Variants in TRIM44 observed in about 807,000 individuals in gnomAD.
The protein encoded by TRIM44 is tripartite motif-containing protein 44.
TRIM44 carries 13 observed loss-of-function variants against 37.4 expected under a neutral mutation model. The ratio of observed to expected loss-of-function variants is 0.35; its 90% CI spans 0.23 to 0.55. TRIM44 has a LOEUF of 0.55. Ranked by LOEUF, TRIM44 falls within the 20% of genes least tolerant of loss-of-function variation. The pLI, the probability that TRIM44 is intolerant of heterozygous loss-of-function variation, is 0.89. For synonymous variants in TRIM44, 175 were observed against 157.2 expected (o/e 1.11, Z -0.85); for missense variants, 426 against 437.2 (o/e 0.97, Z 0.23).
intron 4 of TRIM44, among the ~76,000 whole-genome samples, chr11:35,748,405 A>G (rs1054730303): frequency 1.3e-5 from 2 of 152,220 alleles, no homozygotes; most frequent in Admixed American, 1.3e-4. Flanking sequence ...TGTGTTAATG[A>G]AAGTAGCCAG....
chr11:35,793,212 A>C (rs1233214800), intron 4 of TRIM44, among the ~76,000 whole-genome samples: 1 of 150,420 alleles, frequency 6.6e-6, no homozygotes. Context: ...CTTTTTTAAA[A>C]AACAAACAAC....
chr11:35,696,820 C>G (rs1851705683), intron 2 of TRIM44, among the ~76,000 whole-genome samples: 1 of 150,580 alleles, frequency 6.6e-6, no homozygotes, highest in Non-Finnish European at 1.5e-5. Context: ...GCACTCCAGC[C>G]TGAGCAACAA....
At chr11:35,730,711 T>C (rs1852245921) in intron 3 of TRIM44, among the ~76,000 whole-genome samples, 2 of 152,324 alleles carry the variant, frequency 1.3e-5, no homozygotes, top group South Asian at 2.1e-4. Flanking sequence ...CATTTAAAGG[T>C]ATTAATGGCT....
At chr11:35,669,913 C>T (rs1851374472) in intron 1 of TRIM44, among the ~76,000 whole-genome samples, 1 of 152,186 alleles carries the variant, frequency 6.6e-6, no homozygotes, top group African/African-American at 2.4e-5. Flanking sequence ...CCTCCGCCTC[C>T]TGGGTTCAAG....
At chr11:35,707,079 A>T (rs1720224253) in intron 2 of TRIM44, among the ~76,000 whole-genome samples, 1 of 152,236 alleles carries the variant, frequency 6.6e-6, no homozygotes, top group Non-Finnish European at 1.5e-5. Flanking sequence ...AGGATACAAA[A>T]TCAATGTACA....
chr11:35,795,444 G>A (rs1397405772), intron 4 of TRIM44, among the ~76,000 whole-genome samples: 1 of 152,050 alleles, frequency 6.6e-6, no homozygotes, highest in Non-Finnish European at 1.5e-5. Context: ...GACACACATG[G>A]GAGAGGTTGT....
chr11:35,710,430 AAG>A (rs1376694469), intron 2 of TRIM44, among the ~76,000 whole-genome samples: 1 of 152,214 alleles, frequency 6.6e-6, no homozygotes, highest in Admixed American at 6.5e-5. Context: ...CCTTTTAACA[AAG>A]ACAGATTATC....
At chr11:35,746,835 C>T (rs141183432) in intron 4 of TRIM44, among the ~76,000 whole-genome samples, 48 of 152,170 alleles carry the variant, frequency 3.2e-4, no homozygotes, top group African/African-American at 9.6e-4. Flanking sequence ...GGGAGTTCAG[C>T]GAAGAAAAAC....
At chr11:35,710,781 C>G (rs547071368) in intron 2 of TRIM44, among the ~76,000 whole-genome samples, 2 of 152,308 alleles carry the variant, frequency 1.3e-5, no homozygotes, top group East Asian at 3.9e-4. Context: ...CCCTTGTTTT[C>G]AGTACTTCTC....
chr11:35,805,944 G>GT (rs935559214), intron 4 of TRIM44, among the ~76,000 whole-genome samples: 23 of 152,062 alleles, frequency 1.5e-4, no homozygotes, highest in Non-Finnish European at 2.6e-4. Flanking sequence ...GCTTCTCCTT[G>GT]TTTTTTCTCT....
chr11:35,675,608 G>T (rs1274934405), intron 1 of TRIM44, among the ~76,000 whole-genome samples: 1 of 152,080 alleles, frequency 6.6e-6, no homozygotes, highest in Non-Finnish European at 1.5e-5. Context: ...TGCAACCTCC[G>T]CCTCCCGGGT....
intron 4 of TRIM44, among the ~76,000 whole-genome samples, chr11:35,752,537 G>A (rs1260519518): frequency 6.6e-6 from 1 of 151,560 alleles, no homozygotes; most frequent in Non-Finnish European, 1.5e-5. Flanking sequence ...AAGTCCCCTT[G>A]ATGCTAAACC....
intron 2 of TRIM44, among the ~76,000 whole-genome samples, chr11:35,704,565 G>A (rs1011057065): frequency 3.9e-4 from 59 of 152,216 alleles, no homozygotes; most frequent in African/African-American, 1.3e-3. Context: ...CGGATCTCTC[G>A]GCAGAAACTC....
intron 4 of TRIM44, among the ~76,000 whole-genome samples, chr11:35,780,689 A>G (rs926510213): frequency 2.0e-5 from 3 of 152,178 alleles, no homozygotes; most frequent in East Asian, 3.9e-4. Flanking sequence ...GACTCTTTCT[A>G]CAATTCCACA....
chr11:35,761,413 A>ATG (rs1014780397), intron 4 of TRIM44, among the ~76,000 whole-genome samples: 41 of 151,688 alleles, frequency 2.7e-4, no homozygotes, highest in African/African-American at 7.5e-4. Flanking sequence ...CTCTATATAT[A>ATG]TATGTGATAC....
At chr11:35,679,843 C>T (rs538846919) in intron 1 of TRIM44, among the ~76,000 whole-genome samples, 5 of 152,276 alleles carry the variant, frequency 3.3e-5, no homozygotes, top group Admixed American at 6.5e-5. Flanking sequence ...GGTCCATCTT[C>T]CTCATTTACA....
At chr11:35,670,596 G>A (rs529780091) in intron 1 of TRIM44, among the ~76,000 whole-genome samples, 2 of 152,254 alleles carry the variant, frequency 1.3e-5, no homozygotes, top group African/African-American at 4.8e-5. Context: ...CATTCTTCAT[G>A]TATAGCAGCT....
rs569107725 is a variant in TRIM44 at position 35,817,811 on chromosome 11, G to A, written c.*11426G>A. ...TTGTCATGATAGTGAGTTCTTGTGA[G>A]ATCTGGTTGTTTAAAAATATGTGAC... On this transcript the variant is annotated 3_prime_UTR_variant, in exon 5 of 5. Transcript: ENST00000299413. The A allele has an allele frequency of 1.3e-5, 2 of 152,266 alleles. No homozygotes were observed. The highest frequency in any genetic ancestry group is 4.1e-4 in the South Asian group (2 of 4,822). 9.4% of individuals were successfully genotyped at this position (152,266 alleles called of 1,614,324 possible).
chr11:35,695,905 T>G (rs1851691341), intron 2 of TRIM44, among the ~76,000 whole-genome samples: 1 of 146,856 alleles, frequency 6.8e-6, no homozygotes, highest in Non-Finnish European at 1.5e-5. Flanking sequence ...TTTTTTTTTT[T>G]GACAATGCTT....
Sources: allele counts gnomAD v4.1 joint callset (sites outside exome capture counted in the v4.1 genomes callset), GRCh38; gene constraint gnomAD v4.1.1; transcripts MANE v1.5; gene names NCBI Gene and HGNC (gene_info 2026-07-23, HGNC 2026-07-21).